LOC128462377: variants seen among roughly 807,000 people sequenced by gnomAD.
the LOC128462377 span, chr16:89,339,761 A>T: frequency 6.6e-6 from 1 of 152,222 alleles, no homozygotes; most frequent in Middle Eastern, 3.2e-3. Context: ...AAAATTACAA[A>T]TTACATAATG....
the LOC128462377 span, among the ~76,000 whole-genome samples, chr16:89,408,536 G>A: frequency 1.3e-5 from 2 of 152,228 alleles, no homozygotes; most frequent in Non-Finnish European, 2.9e-5. Context: ...GCATCTGGCA[G>A]GAGTGTAACA....
chr16:89,384,774 C>T, the LOC128462377 span, among the ~76,000 whole-genome samples: 15 of 151,224 alleles, frequency 9.9e-5, no homozygotes, highest in African/African-American at 1.9e-4. Flanking sequence ...TTAGCACCTA[C>T]AGAAAAAGCA....
At chr16:89,377,257 C>T in the LOC128462377 span, among the ~76,000 whole-genome samples, 7,356 of 152,074 alleles carry the variant, frequency 0.048, 449 homozygotes, top group African/African-American at 0.14. Flanking sequence ...ATGGAAAGGA[C>T]TGTCAACATG....
At chr16:89,349,161 A>G in the LOC128462377 span, among the ~76,000 whole-genome samples, 4 of 146,412 alleles carry the variant, frequency 2.7e-5, no homozygotes, top group Non-Finnish European at 6.0e-5. Context: ...AAAAAAAAAA[A>G]GAATAATAAT....
At chr16:89,391,011 G>A in the LOC128462377 span, among the ~76,000 whole-genome samples, 149 of 152,148 alleles carry the variant, frequency 9.8e-4, no homozygotes, top group African/African-American at 3.4e-3. Context: ...GGTGGATCAC[G>A]AGGTCAGGAG....
chr16:89,368,796 C>T, the LOC128462377 span, among the ~76,000 whole-genome samples: 2 of 152,066 alleles, frequency 1.3e-5, no homozygotes, highest in Non-Finnish European at 2.9e-5. Flanking sequence ...GTTTCAGCTA[C>T]TCCAGAGGCA....
At chr16:89,417,014 C>T in the LOC128462377 span, among the ~76,000 whole-genome samples, 1 of 152,192 alleles carries the variant, frequency 6.6e-6, no homozygotes, top group East Asian at 1.9e-4. Context: ...TGCCCACTAC[C>T]CAGGCTGGCT....
chr16:89,407,990 G>A, the LOC128462377 span, among the ~76,000 whole-genome samples: 1 of 152,226 alleles, frequency 6.6e-6, no homozygotes, highest in African/African-American at 2.4e-5. Flanking sequence ...ATAGCGAAGT[G>A]TGGAAAATCA....
the LOC128462377 span, chr16:89,392,792 G>A: frequency 1.3e-5 from 2 of 149,416 alleles, no homozygotes; most frequent in Non-Finnish European, 3.0e-5. Flanking sequence ...AGTCCCCCAA[G>A]GCTGCTTTTC....
chr16:89,363,951 C>G, the LOC128462377 span, among the ~76,000 whole-genome samples: 1 of 152,108 alleles, frequency 6.6e-6, no homozygotes, highest in Admixed American at 6.5e-5. Context: ...GTCCCAGCAA[C>G]TCAGGAGCCT....
the LOC128462377 span, chr16:89,323,657 C>T: frequency 6.5e-5 from 21 of 320,966 alleles, no homozygotes; most frequent in Non-Finnish European, 8.4e-5. Flanking sequence ...CAGGCCCTCC[C>T]GCACACCGCC....
the LOC128462377 span, chr16:89,324,161 T>C: frequency 9.1e-7 from 1 of 1,096,460 alleles, no homozygotes; most frequent in Non-Finnish European, 1.2e-6. Context: ...TCCACTCACA[T>C]TTTCTGTTAT....
At chr16:89,376,762 A>G in the LOC128462377 span, among the ~76,000 whole-genome samples, 2 of 152,210 alleles carry the variant, frequency 1.3e-5, no homozygotes, top group African/African-American at 4.8e-5. Context: ...TTTTGAATGC[A>G]GGTGAAACTC....
the LOC128462377 span, among the ~76,000 whole-genome samples, chr16:89,331,250 G>A: frequency 2.6e-4 from 40 of 152,260 alleles, no homozygotes; most frequent in East Asian, 5.4e-3. Flanking sequence ...CACTGCGCCC[G>A]GCCTGATGAA....
the LOC128462377 span, among the ~76,000 whole-genome samples, chr16:89,350,374 A>T: frequency 3.9e-5 from 6 of 152,302 alleles, no homozygotes; most frequent in South Asian, 8.3e-4. Flanking sequence ...GCAACTACTC[A>T]TATCAGCTTG....
chr16:89,351,680 C>A, the LOC128462377 span, among the ~76,000 whole-genome samples: 1 of 152,176 alleles, frequency 6.6e-6, no homozygotes, highest in African/African-American at 2.4e-5. Context: ...TGCCACACAG[C>A]ATGCAATTCC....
chr16:89,411,401 C>T, the LOC128462377 span, among the ~76,000 whole-genome samples: 72 of 152,220 alleles, frequency 4.7e-4, no homozygotes, highest in Non-Finnish European at 9.3e-4. Context: ...ATCTTGCTGT[C>T]GAGATGGTCT....
chr16:89,338,154 C>G, the LOC128462377 span, among the ~76,000 whole-genome samples: 2 of 152,212 alleles, frequency 1.3e-5, no homozygotes, highest in African/African-American at 4.8e-5. Context: ...CCCAAGCACC[C>G]AGCTTCAGTG....
the LOC128462377 span, chr16:89,323,342 G>C: frequency 2.3e-6 from 3 of 1,288,722 alleles, no homozygotes; most frequent in Admixed American, 6.9e-5. Flanking sequence ...AGGTATGGAA[G>C]AGAAGCACCA....
Sources: allele counts gnomAD v4.1 joint callset (sites outside exome capture counted in the v4.1 genomes callset), GRCh38; gene constraint gnomAD v4.1.1; transcripts MANE v1.5.